Variants in HSD17B3 observed in about 807,000 individuals in gnomAD.
The protein encoded by HSD17B3 is 17-beta-hydroxysteroid dehydrogenase type 3.
A neutral mutation model predicts 41.1 loss-of-function variants in HSD17B3; 29 were observed. The ratio of observed to expected loss-of-function variants is 0.71; its 90% CI spans 0.53 to 0.96. HSD17B3 has a LOEUF of 0.96. Among genes scored for constraint, HSD17B3 ranks in the 40% least tolerant of loss-of-function variants. HSD17B3 has a pLI of 0.00. For missense variants in HSD17B3, 323 were observed against 374.6 expected (o/e 0.86, Z 1.14); for synonymous variants, 126 against 145.6 (o/e 0.87, Z 0.97).
At chr9:96,289,195 G>A (rs1266174513) in intron 2 of HSD17B3, among the ~76,000 whole-genome samples, 1 of 41,576 alleles carries the variant, frequency 2.4e-5, no homozygotes, top group Non-Finnish European at 6.8e-5. Flanking sequence ...ATTTCCTGGT[G>A]TGTGTGTGTG....
At chr9:96,255,916 C>T (rs529782236) in intron 2 of HSD17B3, among the ~76,000 whole-genome samples, 91 of 152,318 alleles carry the variant, frequency 6.0e-4, no homozygotes, top group Non-Finnish European at 1.1e-3. Flanking sequence ...GAGCTGCGTG[C>T]TTCACACAGA....
intron 6 of HSD17B3, among the ~76,000 whole-genome samples, chr9:96,248,807 A>G (rs762017894): frequency 1.3e-5 from 2 of 152,236 alleles, no homozygotes; most frequent in African/African-American, 2.4e-5. Flanking sequence ...TCTACATAGG[A>G]TAGCTTTGAG....
intron 2 of HSD17B3, among the ~76,000 whole-genome samples, chr9:96,289,266 G>C (rs946006783): frequency 3.9e-5 from 6 of 151,926 alleles, no homozygotes; most frequent in African/African-American, 7.3e-5. Context: ...CTGCGTGTGT[G>C]GGGGCAGAAG....
In HSD17B3 at chr9:96,253,798, A is replaced by G. The variant is rs192623388; in HGVS notation, c.278-888T>C. Among the ~76,000 whole-genome samples, 14 of 152,314 alleles carry G rather than the reference A, an allele frequency of 9.2e-5. No individual in the cohort carries two copies. In the East Asian group the frequency reaches 2.7e-3, roughly 29 times the overall value. On this transcript the variant is annotated intron_variant, in intron 3 of 10. Coordinates refer to ENST00000375263, the MANE Select transcript of HSD17B3 (RefSeq NM_000197.2). ...CTTGCTTTTCAAAAGGATGATAAAA[A>G]GCACATTTCAGCATTGTGAGGCAAA...
chr9:96,276,929 C>T (rs982828559), intron 2 of HSD17B3, among the ~76,000 whole-genome samples: 5 of 152,112 alleles, frequency 3.3e-5, no homozygotes, highest in African/African-American at 9.7e-5. Flanking sequence ...TGGCCAGGTG[C>T]GGTGGCTCAC....
At chr9:96,241,889 C>T (rs979919029) in intron 9 of HSD17B3, among the ~76,000 whole-genome samples, 17 of 148,352 alleles carry the variant, frequency 1.1e-4, no homozygotes, top group African/African-American at 4.2e-4. Flanking sequence ...GAGCCAAGAT[C>T]GTGCCACTAC....
intron 2 of HSD17B3, among the ~76,000 whole-genome samples, chr9:96,269,698 G>A (rs889167678): frequency 3.3e-5 from 5 of 152,062 alleles, no homozygotes; most frequent in African/African-American, 9.7e-5. Context: ...GAGGTCAGGA[G>A]TTCGAGACCA....
intron 10 of HSD17B3, 103 bp from the exon 11 acceptor site, chr9:96,235,673 A>T: frequency 1.1e-6 from 1 of 906,254 alleles, no homozygotes; most frequent in Non-Finnish European, 1.8e-6. Flanking sequence ...ACTAAAGTGG[A>T]GCCCCAGAAC....
chr9:96,248,314 C>A (rs1165589894), intron 6 of HSD17B3, among the ~76,000 whole-genome samples: 1 of 152,154 alleles, frequency 6.6e-6, no homozygotes, highest in Admixed American at 6.5e-5. Flanking sequence ...GAAAAACAAC[C>A]AAATAGTTAT....
chr9:96,269,790 G>A (rs539365730), intron 2 of HSD17B3, among the ~76,000 whole-genome samples: 48 of 151,806 alleles, frequency 3.2e-4, no homozygotes, highest in Non-Finnish European at 6.5e-4. Flanking sequence ...TGTAATCCCA[G>A]CTATTCGGGA....
chr9:96,268,572 C>G (rs1418990622), intron 2 of HSD17B3, among the ~76,000 whole-genome samples: 1 of 152,152 alleles, frequency 6.6e-6, no homozygotes, highest in Admixed American at 6.5e-5. Context: ...ATTTAAAAAA[C>G]CAATCATTCC....
chr9:96,248,869 T>C (rs936700712), intron 6 of HSD17B3, among the ~76,000 whole-genome samples: 2 of 152,084 alleles, frequency 1.3e-5, no homozygotes, highest in Non-Finnish European at 2.9e-5. Flanking sequence ...AGAACTTGAA[T>C]GCTGAATGGT....
At chr9:96,286,593 G>A (rs1179350377) in intron 2 of HSD17B3, among the ~76,000 whole-genome samples, 1 of 152,068 alleles carries the variant, frequency 6.6e-6, no homozygotes, top group Non-Finnish European at 1.5e-5. Context: ...AGGAGGCTGA[G>A]GCAGGAAAAT....
At chr9:96,242,048 CA>C in intron 9 of HSD17B3, among the ~76,000 whole-genome samples, 1 of 144,160 alleles carries the variant, frequency 6.9e-6, no homozygotes, top group East Asian at 2.1e-4. Context: ...AAAAAATCCA[CA>C]AAAGTTTTCT....
At position 96,246,424 on chromosome 9, in the gene HSD17B3, T is replaced by C. The variant is rs1011200465; in HGVS notation, c.524+132A>G. 3 of 813,276 alleles carry C rather than the reference T, an allele frequency of 3.7e-6. No homozygotes were observed. The African/African-American group carries it at 5.0e-5, about 14-fold the overall frequency. 50.4% of individuals were successfully genotyped at this position (813,276 alleles called of 1,614,324 possible). A position where few individuals can be genotyped will look rare whatever the true frequency, so the allele number is the denominator to read the frequency against. On this transcript the variant is annotated intron_variant, in intron 7 of 10. Transcript: ENST00000375263. ...TATGTTTTTTTTCCCATAATCACCG[T>C]GTGCTTTCATCATAGCTGTTATCGT...
chr9:96,263,474 T>G (rs915190121), intron 2 of HSD17B3, among the ~76,000 whole-genome samples: 1 of 151,746 alleles, frequency 6.6e-6, no homozygotes, highest in Non-Finnish European at 1.5e-5. Context: ...TCCCAGCACT[T>G]TGGGAGGCCG....
At chr9:96,267,327 T>C (rs1826079408) in intron 2 of HSD17B3, among the ~76,000 whole-genome samples, 1 of 152,016 alleles carries the variant, frequency 6.6e-6, no homozygotes. Context: ...CAGCTACTTT[T>C]TTGTATTTTT....
chr9:96,289,902 C>T (rs1483768871), intron 2 of HSD17B3, among the ~76,000 whole-genome samples: 3 of 152,162 alleles, frequency 2.0e-5, no homozygotes, highest in African/African-American at 4.8e-5. Flanking sequence ...TGATGCAGAA[C>T]GGCTGCCGTG....
intron 2 of HSD17B3, among the ~76,000 whole-genome samples, chr9:96,290,456 C>CTTTTTTTTTTT (rs61373611): frequency 1.3e-5 from 1 of 78,418 alleles, no homozygotes; most frequent in Admixed American, 1.8e-4. Context: ...ATTTCCTGGG[C>CTTTTTTTTTTT]TTTTTTTTTT....
Sources: allele counts gnomAD v4.1 joint callset (sites outside exome capture counted in the v4.1 genomes callset), GRCh38; gene constraint gnomAD v4.1.1; transcripts MANE v1.5; gene names NCBI Gene and HGNC (gene_info 2026-07-23, HGNC 2026-07-21).